HEMK1: variants seen among roughly 807,000 people sequenced by gnomAD.
The protein encoded by HEMK1 is HemK methyltransferase 1, mitochondrial release factors N(5)-glutamine, also known as MTRF1L release factor glutamine methyltransferase.
A neutral mutation model predicts 47.9 loss-of-function variants in HEMK1; 36 were observed. That is an observed-to-expected ratio of 0.75 (90% CI 0.58 to 0.99). The LOEUF (loss-of-function observed/expected upper bound fraction) is 0.99, where lower values mean the gene tolerates loss of function less well. HEMK1 is among the 50% of genes least tolerant of loss of function. HEMK1 has a pLI of 0.00. For synonymous variants in HEMK1, 153 were observed against 165.4 expected, an observed-to-expected ratio of 0.93 and a Z score of 0.57; for missense variants, 383 against 434.5, an observed-to-expected ratio of 0.88 and a Z score of 1.05.
chr3:50,576,838 G>A (rs1376147821), intron 4 of HEMK1, among the ~76,000 whole-genome samples: 1 of 152,242 alleles, frequency 6.6e-6, no homozygotes. Context: ...CCCACGAGGT[G>A]GGCTATCCTC....
intron 4 of HEMK1, 108 bp downstream of exon 4, chr3:50,572,316 G>T: frequency 8.7e-7 from 1 of 1,146,176 alleles, no homozygotes; most frequent in South Asian, 1.4e-5. Context: ...TGACTTCAGG[G>T]ACAGTGCCTT....
Position 50,592,387 on chromosome 3 carries a change from G to C in HEMK1, c.*11970G>C, listed in dbSNP as rs969129127. 4 of 152,128 alleles carry C rather than the reference G, an allele frequency of 2.6e-5. No homozygotes were observed. Among genetic ancestry groups the C allele is most frequent in the African/African-American group, 9.7e-5 (4 of 41,414 alleles). The allele number at this position is 152,128 out of a possible 1,614,324, so 9.4% of individuals were successfully genotyped here. A position where few individuals can be genotyped will look rare whatever the true frequency, so the allele number is the denominator to read the frequency against. On this transcript the variant is annotated 3_prime_UTR_variant, in exon 11 of 11. Coordinates refer to ENST00000232854, the MANE Select transcript of HEMK1 (RefSeq NM_016173.5). ...ACCAACCCCAGGATTTCCAATACCGGTGCTTTGCTTAGCTGTACTGGGCAC... is the reference window on the plus strand; with the variant it reads ...ACCAACCCCAGGATTTCCAATACCGCTGCTTTGCTTAGCTGTACTGGGCAC...
intron 8 of HEMK1, 98 bp downstream of exon 8, chr3:50,579,024 G>C: frequency 1.1e-6 from 1 of 888,204 alleles, no homozygotes; most frequent in South Asian, 1.5e-5. Flanking sequence ...CAGGGGAGTT[G>C]GTGCTGAAAT....
At chr3:50,577,804 C>G in intron 6 of HEMK1, 22 bp from the exon 7 acceptor site, 1 of 1,613,686 alleles carries the variant, frequency 6.2e-7, no homozygotes, top group Non-Finnish European at 8.5e-7. Flanking sequence ...CCGTGCCTAC[C>G]CCTTTCTCCC....
chr3:50,573,743 G>A (rs1701273523), intron 4 of HEMK1, among the ~76,000 whole-genome samples: 1 of 152,270 alleles, frequency 6.6e-6, no homozygotes, highest in African/African-American at 2.4e-5. Context: ...AGGGAGTAGT[G>A]AGAATGGGTG....
chr3:50,582,912 C>G lies in HEMK1; in HGVS notation c.*2495C>G, dbSNP rs1267849494. 1 of 152,392 alleles carries G rather than the reference C, an allele frequency of 6.6e-6. No homozygotes were observed. The highest frequency in any genetic ancestry group is 1.9e-4 in the East Asian group (1 of 5,206). 9.4% of individuals were successfully genotyped at this position (152,392 alleles called of 1,614,324 possible). A position where few individuals can be genotyped will look rare whatever the true frequency, so the allele number is the denominator to read the frequency against. ...CTAGCTCAGGGAAAGCCAGGCCCAC[C>G]TGCCCTATCCCCTCCCTTGCTCCTG... On this transcript the variant is annotated 3_prime_UTR_variant, in exon 11 of 11. Transcript: ENST00000232854.
rs1308849201 is a variant in HEMK1 at position 50,584,030 on chromosome 3, A to G, written c.*3613A>G. ...ACCTGGCAGCCCATGTATTCCGGTC[A>G]TTAGGGATGGGAAGCCATGAGGACC... On this transcript the variant is annotated 3_prime_UTR_variant, in exon 11 of 11. Transcript: ENST00000232854. 1 of 152,260 alleles carries G rather than the reference A, an allele frequency of 6.6e-6. No homozygotes were observed. The highest frequency in any genetic ancestry group is 1.5e-5 in the Non-Finnish European group (1 of 68,054). 9.4% of individuals were successfully genotyped at this position (152,260 alleles called of 1,614,324 possible). A position where few individuals can be genotyped will look rare whatever the true frequency, so the allele number is the denominator to read the frequency against.
chr3:50,583,250 G>T lies in HEMK1; in HGVS notation c.*2833G>T, dbSNP rs1211116380. 3.3e-5 allele frequency: 5 copies of T among 152,166 alleles called. No homozygotes were observed. The highest frequency in any genetic ancestry group is 1.2e-4 in the African/African-American group (5 of 41,412). The allele number at this position is 152,166 out of a possible 1,614,324, so 9.4% of individuals were successfully genotyped here. The stretch of plus-strand genomic sequence containing the variant: ...CCAGTTGTCAGTGGGTTTCTCCATG[G>T]GTCTCATACAGCTGCCTTATTGAAA... On this transcript the variant is annotated 3_prime_UTR_variant, in exon 11 of 11. Transcript: ENST00000232854.
chr3:50,575,652 T>C (rs1575926265), intron 4 of HEMK1, among the ~76,000 whole-genome samples: 2 of 152,072 alleles, frequency 1.3e-5, no homozygotes, highest in African/African-American at 4.8e-5. Flanking sequence ...GAATAGGTAG[T>C]CCTCTTTTCA....
Position 50,572,217 on chromosome 3 carries a change from G to A in HEMK1, c.414+9G>A, listed in dbSNP as rs767302073. 27 of 1,607,334 alleles carry A rather than the reference G, an allele frequency of 1.7e-5. No homozygotes were observed. The highest frequency in any genetic ancestry group is 1.7e-4 in the Middle Eastern group (1 of 6,056). ...CTCGGCCAGAAACAGAGGTAGGTGTGCCACCAGGGCAAGGCAGGATCAGGA... is the reference window on the plus strand; with the variant it reads ...CTCGGCCAGAAACAGAGGTAGGTGTACCACCAGGGCAAGGCAGGATCAGGA... On this transcript the variant is annotated intron_variant, in intron 4 of 10. Coordinates refer to ENST00000232854, the MANE Select transcript of HEMK1 (RefSeq NM_016173.5).
At chr3:50,571,865 C>A in intron 3 of HEMK1, 64 bp downstream of exon 3, 1 of 1,513,360 alleles carries the variant, frequency 6.6e-7, no homozygotes, top group Non-Finnish European at 9.2e-7. Context: ...CCTCCCCTAT[C>A]CCCACCAAGT....
At chr3:50,570,577 G>C (rs1239794629) in intron 1 of HEMK1, 1 of 152,308 alleles carries the variant, frequency 6.6e-6, no homozygotes, top group Non-Finnish European at 1.5e-5. Flanking sequence ...CCATGGGTTT[G>C]GTGTGATTTT....
At position 50,571,065 on chromosome 3, in the gene HEMK1, TG is replaced by T. The variant is rs1202611122; in HGVS notation, c.-37del. On this transcript the variant is annotated 5_prime_UTR_variant, in exon 2 of 11. Transcript: ENST00000232854. ...AGCAGCTGACATCATAAAGCAGACT[TG>T]GGAACCTGGAAGCACTCTGGAGAAC... is the stretch of plus-strand genomic sequence containing the variant. The T allele has an allele frequency of 1.3e-6, 2 of 1,483,440 alleles. No homozygotes were observed. Among genetic ancestry groups the T allele is most frequent in the Non-Finnish European group, 9.1e-7 (1 of 1,093,546 alleles). 91.9% of individuals were successfully genotyped at this position (1,483,440 alleles called of 1,614,324 possible). A position where few individuals can be genotyped will look rare whatever the true frequency, so the allele number is the denominator to read the frequency against.
Position 50,579,888 on chromosome 3 carries a change from A to G in HEMK1, c.815A>G (p.Asp272Gly), listed in dbSNP as rs200092936. 1.7e-5 allele frequency: 28 copies of G among 1,613,984 alleles called. No individual in the cohort carries two copies. The Admixed American group carries it at 3.7e-4, about 21-fold the overall frequency. ...CTGGATGGTGGGGAGGAGGGCATGG[A>G]CATCATTACCCACATTCTGGCCTTG... ...AALDGGEEGM[D>G]IITHILALAP... Residue 272 changes from aspartate (D) to glycine (G), a missense_variant, in exon 9 of 11, where the codon GAC becomes GGC. Coordinates refer to ENST00000232854, the MANE Select transcript of HEMK1 (RefSeq NM_016173.5).
chr3:50,590,983 T>G lies in HEMK1; in HGVS notation c.*10566T>G, dbSNP rs2031692088. On this transcript the variant is annotated 3_prime_UTR_variant, in exon 11 of 11. Coordinates refer to ENST00000232854, the MANE Select transcript of HEMK1 (RefSeq NM_016173.5). ...GAGAAGCAAAACCCTAGGGCCCCAG[T>G]ATCACCCCTCCTTTCTGTCTTCCTT... 1.3e-5 allele frequency: 2 copies of G among 152,240 alleles called. No individual in the cohort carries two copies. Among genetic ancestry groups the G allele is most frequent in the African/African-American group, 4.8e-5 (2 of 41,448 alleles). 9.4% of individuals were successfully genotyped at this position (152,240 alleles called of 1,614,324 possible).
chr3:50,578,227 C>A lies in HEMK1; in HGVS notation c.664+352C>A, dbSNP rs1446739864. ...CCAAAATACTTGAGTGCCCCTTTCC[C>A]CCTGCCTGGCAGGGGAAGTGGTCCA... On this transcript the variant is annotated intron_variant, in intron 7 of 10. Transcript: ENST00000232854. 2.0e-5 allele frequency among the ~76,000 whole-genome samples: 3 copies of A among 152,194 alleles called. No individual in the cohort carries two copies. In the South Asian group the frequency reaches 6.2e-4, roughly 32 times the overall value.
Position 50,588,476 on chromosome 3 carries a change from CACA to C in HEMK1, c.*8060_*8062del, listed in dbSNP as rs2031528242. On this transcript the variant is annotated 3_prime_UTR_variant, in exon 11 of 11. Transcript: ENST00000232854. Reference sequence around the variant, plus strand: ...GGCCTCAGGAGCCAGTTAGGTGCCCCACAGCCAACGTGGGCTCCAGGGTGAAGG... The same window carrying C: ...GGCCTCAGGAGCCAGTTAGGTGCCCCGCCAACGTGGGCTCCAGGGTGAAGG... 1 of 152,280 alleles carries C rather than the reference CACA, an allele frequency of 6.6e-6. No individual in the cohort carries two copies. The highest frequency in any genetic ancestry group is 1.5e-5 in the Non-Finnish European group (1 of 68,074). The allele number at this position is 152,280 out of a possible 1,614,324, so 9.4% of individuals were successfully genotyped here. A position where few individuals can be genotyped will look rare whatever the true frequency, so the allele number is the denominator to read the frequency against.
rs555590494 is a variant in HEMK1 at position 50,594,321 on chromosome 3, T to C, written c.*13904T>C. ...ATGCAACAGACCTTCAGTGAGCTGA[T>C]TGCCAGGACTACACTGTCATACTGT... On this transcript the variant is annotated 3_prime_UTR_variant, in exon 11 of 11. Coordinates refer to ENST00000232854, the MANE Select transcript of HEMK1 (RefSeq NM_016173.5). 2.0e-5 allele frequency: 3 copies of C among 152,314 alleles called. No homozygotes were observed. The highest frequency in any genetic ancestry group is 7.2e-5 in the African/African-American group (3 of 41,564). 9.4% of individuals were successfully genotyped at this position (152,314 alleles called of 1,614,324 possible).
In HEMK1 at chr3:50,595,857, C is replaced by A. The variant is rs2031948619; in HGVS notation, c.*15440C>A. 1 of 152,196 alleles carries A rather than the reference C, an allele frequency of 6.6e-6. No individual in the cohort carries two copies. Among genetic ancestry groups the A allele is most frequent in the Non-Finnish European group, 1.5e-5 (1 of 68,036 alleles). 9.4% of individuals were successfully genotyped at this position (152,196 alleles called of 1,614,324 possible). On this transcript the variant is annotated 3_prime_UTR_variant, in exon 11 of 11. Transcript: ENST00000232854. ...CTTTCCTCCAGACCTCTCCTGCAAA[C>A]AACGCAGGGGAGCCACGCAAAGGAA...
Sources: allele counts gnomAD v4.1 joint callset (sites outside exome capture counted in the v4.1 genomes callset), GRCh38; gene constraint gnomAD v4.1.1; transcripts MANE v1.5; gene names NCBI Gene and HGNC (gene_info 2026-07-23, HGNC 2026-07-21).